SVIL: variants seen among roughly 807,000 people sequenced by gnomAD.
SVIL encodes archvillin.
In SVIL, 101 loss-of-function variants were observed where a neutral mutation model predicts 240.4. The ratio of observed to expected loss-of-function variants is 0.42; its 90% confidence interval spans 0.36 to 0.50. The LOEUF (loss-of-function observed/expected upper bound fraction) is 0.50, where lower values mean the gene tolerates loss of function less well. Among genes scored for constraint, SVIL ranks in the 20% least tolerant of loss-of-function variants. The pLI, the probability that SVIL is intolerant of heterozygous loss-of-function variation, is 0.01. For missense variants in SVIL, 2,512 were observed against 2,818.7 expected (o/e 0.89, Z 2.46); for synonymous variants, 999 against 1,100.0 (o/e 0.91, Z 1.82).
intron 5 of SVIL, among the ~76,000 whole-genome samples, chr10:29,551,888 G>A (rs975019439): frequency 3.3e-5 from 5 of 152,154 alleles, no homozygotes; most frequent in African/African-American, 1.2e-4. Context: ...AGGTGGGAGG[G>A]TGGCTGGAGG....
intron 16 of SVIL, among the ~76,000 whole-genome samples, chr10:29,518,974 G>C (rs944011370): frequency 1.6e-4 from 25 of 152,180 alleles, no homozygotes; most frequent in African/African-American, 4.6e-4. Context: ...CCCTGGACAG[G>C]GGAGAGACTG....
rs1242211227 is a variant in SVIL, at chr10:29,551,047, G to C, written c.377C>G (p.Pro126Arg). Residue 126 changes from proline to arginine, a missense_variant, in exon 6 of 38, where the codon CCC (proline) becomes CGC (arginine). Pro to Arg is a moderately radical substitution (Grantham distance 103). Coordinates refer to ENST00000355867, the MANE Select transcript of SVIL (RefSeq NM_021738.3). ...LAEKYGLTLD[P>R]EADSEYLSRY... ...GGATAAATACTCGGAGTCGGCCTCG[G>C]GATCCAGAGTCAGCCCATACTTCTC... The C allele has an allele frequency of 6.2e-7, 1 of 1,613,974 alleles. No homozygotes were observed. The highest frequency in any genetic ancestry group is 2.2e-5 in the East Asian group (1 of 44,888).
chr10:29,596,073 C>G lies in SVIL; in HGVS notation c.-200-26761G>C, dbSNP rs184432594. Among the ~76,000 whole-genome samples, 18 of 152,352 alleles carry G rather than the reference C, an allele frequency of 1.2e-4. No individual in the cohort carries two copies. The East Asian group carries it at 3.5e-3, about 29-fold the overall frequency. On this transcript the variant is annotated intron_variant, in intron 1 of 37. Coordinates refer to ENST00000355867, the MANE Select transcript of SVIL (RefSeq NM_021738.3). ...TGAGCAGGTGTCACATATGAGAGCA[C>G]AGAAGCACCACACACCCCTTCTCCT... is the stretch of plus-strand genomic sequence containing the variant.
At position 29,634,442 on chromosome 10, in the gene SVIL, G is replaced by A. The variant is rs1214948197; in HGVS notation, c.-223C>T. 6.6e-6 allele frequency: 1 copy of A among 151,932 alleles called. No individual in the cohort carries two copies. Among genetic ancestry groups the A allele is most frequent in the Non-Finnish European group, 1.5e-5 (1 of 68,002 alleles). 9.4% of individuals were successfully genotyped at this position (151,932 alleles called of 1,614,324 possible). On this transcript the variant is annotated 5_prime_UTR_variant, in exon 1 of 38. It adds an upstream start codon to the 5' untranslated region. Transcript: ENST00000355867. ...TACTTCAAATTTCTGTATAATCCTCGTTCCTCTAAGTTAAAGGGGGAAAGA... is the reference window on the plus strand; with the variant it reads ...TACTTCAAATTTCTGTATAATCCTCATTCCTCTAAGTTAAAGGGGGAAAGA...
chr10:29,532,407 G>A, intron 8 of SVIL, 122 bp downstream of exon 8: 4 of 1,437,844 alleles, frequency 2.8e-6, no homozygotes, highest in Non-Finnish European at 3.7e-6. Flanking sequence ...TAGTCGCCCT[G>A]CACGCACTTG....
At chr10:29,617,607 A>G (rs1346903432) in intron 1 of SVIL, among the ~76,000 whole-genome samples, 1 of 152,084 alleles carries the variant, frequency 6.6e-6, no homozygotes, top group East Asian at 1.9e-4. Flanking sequence ...AAAGAAAAAA[A>G]AAGAGAAATT....
At chr10:29,480,410 C>G in intron 29 of SVIL, 127 bp downstream of exon 29, 1 of 1,214,490 alleles carries the variant, frequency 8.2e-7, no homozygotes, top group South Asian at 1.5e-5. Flanking sequence ...CTCAAAGGCG[C>G]ATGACTGCAG....
chr10:29,470,948 G>A lies in SVIL; in HGVS notation c.5635+190C>T, dbSNP rs537702192. The stretch of plus-strand genomic sequence containing the variant: ...CTCCTGCGTGCAAAGGTGAATCCCC[G>A]AGTAAATTCTCCAGGGAGAGGCGGG... On this transcript the variant is annotated intron_variant, in intron 31 of 37. Coordinates refer to ENST00000355867, the MANE Select transcript of SVIL (RefSeq NM_021738.3). 4.6e-5 allele frequency among the ~76,000 whole-genome samples: 7 copies of A among 152,214 alleles called. No homozygotes were observed. In the South Asian group the frequency reaches 8.3e-4, roughly 18 times the overall value.
At chr10:29,494,151 G>C (rs1564513927) in intron 20 of SVIL, among the ~76,000 whole-genome samples, 1 of 151,896 alleles carries the variant, frequency 6.6e-6, no homozygotes, top group East Asian at 1.9e-4. Flanking sequence ...CTGGGTGACA[G>C]AGCAAGACCC....
intron 3 of SVIL, among the ~76,000 whole-genome samples, chr10:29,657,639 C>T (rs1312709239): frequency 6.6e-6 from 1 of 152,138 alleles, no homozygotes; most frequent in Non-Finnish European, 1.5e-5. Context: ...CCCGAAAGCT[C>T]CCTAATAGCC....
chr10:29,681,457 A>G (rs1474367985), intron 2 of SVIL, among the ~76,000 whole-genome samples: 1 of 146,950 alleles, frequency 6.8e-6, no homozygotes, highest in East Asian at 2.0e-4. Context: ...GTGTTGAGAG[A>G]GAGAGAAGAA....
chr10:29,475,670 T>C (rs1946116932), intron 29 of SVIL, among the ~76,000 whole-genome samples: 2 of 152,120 alleles, frequency 1.3e-5, no homozygotes. Flanking sequence ...CAGAAGCTTC[T>C]AGGCTGAGTG....
At chr10:29,461,552 A>T (rs563552573) in intron 36 of SVIL, among the ~76,000 whole-genome samples, 1 of 152,356 alleles carries the variant, frequency 6.6e-6, no homozygotes, top group African/African-American at 2.4e-5. Context: ...GTAAAAAAAA[A>T]TCAAAATGGT....
At chr10:29,627,615 G>A (rs916806132) in intron 1 of SVIL, among the ~76,000 whole-genome samples, 2 of 152,208 alleles carry the variant, frequency 1.3e-5, no homozygotes, top group African/African-American at 2.4e-5. Context: ...TGTTCTCCAC[G>A]CCACGTGCCC....
intron 1 of SVIL, among the ~76,000 whole-genome samples, chr10:29,692,973 C>T (rs113158907): frequency 0.22 from 32,736 of 152,040 alleles, 3,854 homozygotes; most frequent in African/African-American, 0.28. Context: ...ATTATTGGAA[C>T]GCTAAGCTTG....
chr10:29,499,036 C>T (rs1948673390), intron 18 of SVIL, 80 bp downstream of exon 18: 1 of 1,531,638 alleles, frequency 6.5e-7, no homozygotes, highest in Non-Finnish European at 8.8e-7. Flanking sequence ...CTATCACGTA[C>T]CACCATGCCC....
intron 1 of SVIL, among the ~76,000 whole-genome samples, chr10:29,690,816 A>G (rs764556774): frequency 1.3e-5 from 2 of 152,214 alleles, no homozygotes; most frequent in African/African-American, 4.8e-5. Flanking sequence ...TGATTTGCAT[A>G]TTGTGATTAG....
At chr10:29,703,999 C>T (rs1232684853) in intron 1 of SVIL, among the ~76,000 whole-genome samples, 1 of 152,136 alleles carries the variant, frequency 6.6e-6, no homozygotes, top group Non-Finnish European at 1.5e-5. Flanking sequence ...TGGGGTCTCT[C>T]CCTATGTTGG....
intron 2 of SVIL, among the ~76,000 whole-genome samples, chr10:29,673,417 C>A (rs981429406): frequency 6.6e-6 from 1 of 151,294 alleles, no homozygotes; most frequent in Admixed American, 6.6e-5. Flanking sequence ...TTGTATTAGT[C>A]CATTTTTACA....
Sources: allele counts gnomAD v4.1 joint callset (sites outside exome capture counted in the v4.1 genomes callset), GRCh38; gene constraint gnomAD v4.1.1; transcripts MANE v1.5; gene names NCBI Gene and HGNC (gene_info 2026-07-23, HGNC 2026-07-21).